The following POLR2F variants were observed in gnomAD, a reference collection of about 807,000 sequenced individuals.
The protein encoded by POLR2F is DNA-directed RNA polymerases I, II, and III subunit RPABC2.
POLR2F carries 12 observed loss-of-function variants against 22.7 expected under a neutral mutation model. The observed-to-expected ratio is 0.53, with a 90% confidence interval of 0.34 to 0.86. The LOEUF (loss-of-function observed/expected upper bound fraction) is 0.86, where lower values mean the gene tolerates loss of function less well. Among genes scored for constraint, POLR2F ranks in the 40% least tolerant of loss-of-function variants. The probability of loss-of-function intolerance (pLI) is 0.02; values close to 1 mark genes in which losing one functional copy is unlikely to be tolerated. For synonymous variants in POLR2F, 57 were observed against 66.0 expected (o/e 0.86, Z 0.66); for missense variants, 126 against 171.5 (o/e 0.73, Z 1.48).
At chr22:38,029,129 A>C (rs1057252059), downstream of POLR2F, among the ~76,000 whole-genome samples, 1 of 152,176 alleles carries the variant, frequency 6.6e-6, no homozygotes, top group Non-Finnish European at 1.5e-5. Context: ...CAGCCGAGGA[A>C]GGGGCGTCAC....
At chr22:38,005,455 A>G (rs1412118856) in intron 1 of POLR2F, among the ~76,000 whole-genome samples, 1 of 152,168 alleles carries the variant, frequency 6.6e-6, no homozygotes, top group Non-Finnish European at 1.5e-5. Flanking sequence ...CTAATGGGGA[A>G]CCACAAAGGA....
rs115953595 is a variant in POLR2F at position 37,999,877 on chromosome 22, G to A, written c.120+13565G>A. Among the ~76,000 whole-genome samples, 1,168 of 152,302 alleles carry A rather than the reference G, an allele frequency of 7.7e-3. 5 individuals are homozygous for A. Among genetic ancestry groups the A allele is most frequent in the Middle Eastern group, 0.037 (11 of 294 alleles). On this transcript the variant is annotated intron_variant, in intron 1 of 2. Transcript: ENST00000333418. ...TGTGTGTTGTTATTTTTATTGTGAT[G>A]ATTATTGTTATTGGAGGGCTGGGCA...
intron 5 of POLR2F, chr22:38,032,191 TCTCA>T (rs1164288973): frequency 6.6e-6 from 1 of 152,182 alleles, no homozygotes; most frequent in Non-Finnish European, 1.5e-5. Flanking sequence ...AGAGACAGGG[TCTCA>T]CTCTGTTGCC....
intron 3 of POLR2F, 64 bp downstream of exon 3, chr22:37,959,540 G>A: frequency 6.4e-7 from 1 of 1,554,672 alleles, no homozygotes; most frequent in Admixed American, 1.8e-5. Context: ...TTGTACCGCT[G>A]ATCTTTCCCA....
chr22:37,976,199 G>C (rs893488962), intron 4 of POLR2F, among the ~76,000 whole-genome samples: 1 of 152,106 alleles, frequency 6.6e-6, no homozygotes, highest in Non-Finnish European at 1.5e-5. Context: ...CTGCAGCCTG[G>C]GCAACAGAGC....
At chr22:37,993,777 C>T (rs1173341173) in intron 1 of POLR2F, among the ~76,000 whole-genome samples, 1 of 152,156 alleles carries the variant, frequency 6.6e-6, no homozygotes, top group African/African-American at 2.4e-5. Context: ...ATCACGAGGT[C>T]AGGAGATCAA....
chr22:37,971,764 C>T (rs1294229059), downstream of POLR2F, among the ~76,000 whole-genome samples: 2 of 152,190 alleles, frequency 1.3e-5, no homozygotes, highest in Admixed American at 6.5e-5. Flanking sequence ...ACCCTCAGCC[C>T]ACCTCCTCCT....
At chr22:37,981,112 A>T (rs1316301476) in intron 4 of POLR2F, among the ~76,000 whole-genome samples, 8 of 152,092 alleles carry the variant, frequency 5.3e-5, no homozygotes, top group Admixed American at 5.2e-4. Context: ...AGTGTGTCTG[A>T]TCCCACACTC....
chr22:38,013,874 G>C (rs2084892943), intron 1 of POLR2F, among the ~76,000 whole-genome samples: 1 of 152,172 alleles, frequency 6.6e-6, no homozygotes, highest in Non-Finnish European at 1.5e-5. Context: ...TGTAATCCCA[G>C]CACTTTGGGA....
intron 4 of POLR2F, among the ~76,000 whole-genome samples, chr22:37,979,323 C>T (rs184845501): frequency 6.6e-6 from 1 of 152,106 alleles, no homozygotes; most frequent in Non-Finnish European, 1.5e-5. Context: ...GTCTCCAACT[C>T]CTGACCTCAG....
chr22:37,996,075 G>A lies in POLR2F; in HGVS notation c.120+9763G>A, dbSNP rs114399192. Among the ~76,000 whole-genome samples, 444 of 152,306 alleles carry A rather than the reference G, an allele frequency of 2.9e-3. 2 individuals are homozygous for A. The highest frequency in any genetic ancestry group is 9.9e-3 in the African/African-American group (410 of 41,570). On this transcript the variant is annotated intron_variant, in intron 1 of 2. Transcript: ENST00000333418. ...GGGCCTCTCACTGATGGAGGTGGTC[G>A]TGACTCCTAGTCCAGTGCTCTTCCT...
At chr22:37,994,513 T>TTATA (rs1300444331) in intron 1 of POLR2F, among the ~76,000 whole-genome samples, 1 of 148,426 alleles carries the variant, frequency 6.7e-6, no homozygotes, top group Non-Finnish European at 1.5e-5. Context: ...CGCCTGGCTA[T>TTATA]TATTTATTTA....
Position 38,025,798 on chromosome 22 carries a change from G to C in POLR2F, c.121-71G>C, listed in dbSNP as rs887893793. 26 of 1,538,450 alleles carry C rather than the reference G, an allele frequency of 1.7e-5. 1 individual carries two copies. The South Asian group carries it at 3.1e-4, about 18-fold the overall frequency. On this transcript the variant is annotated intron_variant, in intron 1 of 2. Transcript: ENST00000333418. ...GGCACTCAATCTGCACCCTCTTTTG[G>C]GCACTTTTCATGGCCAGCATGGTGT...
At chr22:37,961,816 G>GA (rs1931652879) in intron 3 of POLR2F, among the ~76,000 whole-genome samples, 2 of 151,316 alleles carry the variant, frequency 1.3e-5, no homozygotes, top group Non-Finnish European at 3.0e-5. Flanking sequence ...ATGGTACTGT[G>GA]GGGAAGCATG....
chr22:37,956,057 T>C (rs1239736879), intron 1 of POLR2F, among the ~76,000 whole-genome samples: 5 of 151,826 alleles, frequency 3.3e-5, no homozygotes, highest in Non-Finnish European at 7.4e-5. Context: ...CTGCCCTCTT[T>C]GATTTTTTTT....
intron 1 of POLR2F, 33 bp downstream of exon 1, chr22:37,953,840 A>G: frequency 1.9e-6 from 3 of 1,604,136 alleles, no homozygotes; most frequent in Non-Finnish European, 2.5e-6. Flanking sequence ...CTTTGCGGCA[A>G]CCTTGGAAGG....
intron 1 of POLR2F, among the ~76,000 whole-genome samples, chr22:38,007,402 A>C (rs1374225127): frequency 6.6e-6 from 1 of 151,916 alleles, no homozygotes. Flanking sequence ...CAGAAGGGGG[A>C]CTTAGCAGCA....
chr22:38,018,413 C>T (rs2084932464), intron 1 of POLR2F, among the ~76,000 whole-genome samples: 1 of 152,074 alleles, frequency 6.6e-6, no homozygotes, highest in Non-Finnish European at 1.5e-5. Context: ...GATCAGGGTC[C>T]AGTTTGTGAC....
At chr22:38,029,251 A>G (rs1394209441), downstream of POLR2F, among the ~76,000 whole-genome samples, 7 of 151,984 alleles carry the variant, frequency 4.6e-5, no homozygotes, top group African/African-American at 1.7e-4. Flanking sequence ...TTTGGAAATG[A>G]CCCCGTCTAA....
Sources: gnomAD v4.1 joint callset for allele counts (sites outside exome capture counted in the v4.1 genomes callset) on GRCh38, gnomAD v4.1.1 for gene constraint, MANE v1.5 for transcripts, NCBI Gene and HGNC (gene_info 2026-07-23, HGNC 2026-07-21) for gene names.